The following GAS7 variants were observed in gnomAD, a reference collection of about 807,000 sequenced individuals.
GAS7 encodes the protein growth arrest-specific protein 7.
A neutral mutation model predicts 71.1 loss-of-function variants in GAS7; 28 were observed. The ratio of observed to expected loss-of-function variants is 0.39; its 90% confidence interval spans 0.29 to 0.54. The LOEUF is 0.54. Ranked by LOEUF, GAS7 falls within the 20% of genes least tolerant of loss-of-function variation. GAS7 has a pLI of 0.62. For synonymous variants in GAS7, 258 were observed against 245.8 expected, an observed-to-expected ratio of 1.05 and a Z score of -0.46; for missense variants, 436 against 627.8, an observed-to-expected ratio of 0.69 and a Z score of 3.27.
chr17:10,005,716 G>A (rs2071504164), intron 2 of GAS7, among the ~76,000 whole-genome samples: 1 of 152,138 alleles, frequency 6.6e-6, no homozygotes, highest in Non-Finnish European at 1.5e-5. Context: ...ACAGTCTCTA[G>A]TCTAATGACA....
chr17:10,009,290 C>T (rs1057049695), intron 2 of GAS7, among the ~76,000 whole-genome samples: 1 of 136,718 alleles, frequency 7.3e-6, no homozygotes, highest in Non-Finnish European at 1.5e-5. Context: ...CACTGCACTC[C>T]AGTCTGGGCG....
Position 10,034,497 on chromosome 17 carries a change from C to CG in GAS7, c.184-14601dup, listed in dbSNP as rs1190642778. ...CTAATTTTTGTATTTTTAGTAGACACGGGGTTTCACCACGTTGACCAGGCT... is the reference window on the plus strand; with the variant it reads ...CTAATTTTTGTATTTTTAGTAGACACGGGGGTTTCACCACGTTGACCAGGCT... On this transcript the variant is annotated intron_variant, in intron 1 of 13. Transcript: ENST00000432992. This position sits in a 1 kb window ranked among gnomAD's most constrained non-coding sequence, Gnocchi z 4.4. 6.6e-6 allele frequency among the ~76,000 whole-genome samples: 1 copy of CG among 151,944 alleles called. No homozygotes were observed. Among genetic ancestry groups the CG allele is most frequent in the Non-Finnish European group, 1.5e-5 (1 of 67,980 alleles).
chr17:10,026,133 G>A lies in GAS7; in HGVS notation c.184-6236C>T. 1 of 983,868 alleles carries A rather than the reference G, an allele frequency of 1.0e-6. No homozygotes were observed. The highest frequency in any genetic ancestry group is 1.2e-6 in the Non-Finnish European group (1 of 828,852). 60.9% of individuals were successfully genotyped at this position (983,868 alleles called of 1,614,324 possible). ...TCTCTCCCCCTCCGGAGGTTTCTGA[G>A]AACACCTGACTCTTACCTTATCCTA... On this transcript the variant is annotated intron_variant, in intron 1 of 13. Transcript: ENST00000432992. The surrounding 1 kb of genome is among the most constrained non-coding windows in gnomAD (Gnocchi z 4.5).
rs2067563217 is a variant in GAS7, at chr17:9,915,642, T to C, written c.*1586A>G. 1 of 228,998 alleles carries C rather than the reference T, an allele frequency of 4.4e-6. No individual in the cohort carries two copies. Among genetic ancestry groups the C allele is most frequent in the Non-Finnish European group, 8.7e-6 (1 of 115,396 alleles). 14.2% of individuals were successfully genotyped at this position (228,998 alleles called of 1,614,324 possible). On this transcript the variant is annotated 3_prime_UTR_variant, in exon 14 of 14. Coordinates refer to ENST00000432992, the MANE Select transcript of GAS7 (RefSeq NM_201433.2). Reference sequence around the variant, plus strand: ...GAGGCGCCAAAAAATTAGAGATTAATAAGTCATCGGTTTCTAGCACGTTGA... The same window carrying C: ...GAGGCGCCAAAAAATTAGAGATTAACAAGTCATCGGTTTCTAGCACGTTGA...
chr17:10,163,268 G>A (rs1321214944), intron 1 of GAS7, among the ~76,000 whole-genome samples: 3 of 151,940 alleles, frequency 2.0e-5, no homozygotes, highest in Non-Finnish European at 4.4e-5. Context: ...GCGCCAACAC[G>A]CCCGCTAATT....
At chr17:10,054,415 C>G (rs190517555) in intron 1 of GAS7, among the ~76,000 whole-genome samples, 132 of 152,242 alleles carry the variant, frequency 8.7e-4, no homozygotes, top group African/African-American at 3.1e-3. Context: ...GCTAGAGCAT[C>G]TCGTTTTTGC....
At chr17:9,996,392 A>G (rs1377567110) in intron 2 of GAS7, among the ~76,000 whole-genome samples, 3 of 134,762 alleles carry the variant, frequency 2.2e-5, no homozygotes, top group African/African-American at 5.5e-5. Flanking sequence ...GGACACAGGA[A>G]GGGGAACATC....
In GAS7 at chr17:10,026,340, A is replaced by G. The variant is rs2072462795; in HGVS notation, c.184-6443T>C. ...GGCCCCACACCCCCACTCCCCCCACACCCAGATCTATATATAACAGCTCTG... is the reference window on the plus strand; with the variant it reads ...GGCCCCACACCCCCACTCCCCCCACGCCCAGATCTATATATAACAGCTCTG... On this transcript the variant is annotated intron_variant, in intron 1 of 13. Transcript: ENST00000432992. The surrounding 1 kb of genome is among the most constrained non-coding windows in gnomAD (Gnocchi z 4.5). 2 of 956,510 alleles carry G rather than the reference A, an allele frequency of 2.1e-6. No individual in the cohort carries two copies. Among genetic ancestry groups the G allele is most frequent in the South Asian group, 9.7e-5 (2 of 20,706 alleles). The allele number at this position is 956,510 out of a possible 1,614,324, so 59.3% of individuals were successfully genotyped here. A position where few individuals can be genotyped will look rare whatever the true frequency, so the allele number is the denominator to read the frequency against.
intron 1 of GAS7, among the ~76,000 whole-genome samples, chr17:10,163,704 CATT>C (rs2074272736): frequency 6.6e-6 from 1 of 152,134 alleles, no homozygotes; most frequent in Non-Finnish European, 1.5e-5. Context: ...CCATCCTTGG[CATT>C]CCCATTCTCC....
chr17:10,040,176 C>T (rs1247333351), intron 1 of GAS7, among the ~76,000 whole-genome samples: 1 of 152,170 alleles, frequency 6.6e-6, no homozygotes, highest in African/African-American at 2.4e-5. Flanking sequence ...CAGAGGAAAA[C>T]AGAGGCTCCT....
intron 3 of GAS7, among the ~76,000 whole-genome samples, chr17:9,980,046 G>T (rs1040503952): frequency 1.3e-5 from 2 of 151,642 alleles, no homozygotes; most frequent in African/African-American, 2.4e-5. Context: ...CACACAGGGG[G>T]TTCCTTTCTT....
intron 1 of GAS7, among the ~76,000 whole-genome samples, chr17:10,136,814 T>C (rs1049355693): frequency 6.6e-6 from 1 of 152,160 alleles, no homozygotes; most frequent in African/African-American, 2.4e-5. Context: ...CTGACCCTCT[T>C]TGACCTCTTA....
At chr17:10,056,394 C>G (rs2073137015) in intron 1 of GAS7, among the ~76,000 whole-genome samples, 1 of 152,014 alleles carries the variant, frequency 6.6e-6, no homozygotes, top group African/African-American at 2.4e-5. Flanking sequence ...ACTCAGGAGG[C>G]CGAGGTGGGA....
chr17:10,054,162 C>CT (rs34465894), intron 1 of GAS7, among the ~76,000 whole-genome samples: 8,001 of 147,444 alleles, frequency 0.054, 639 homozygotes, highest in African/African-American at 0.18. Flanking sequence ...ACTCTTTTAA[C>CT]TTTTTTTTTT....
chr17:10,173,152 G>C (rs944243987), intron 1 of GAS7, among the ~76,000 whole-genome samples: 4 of 152,184 alleles, frequency 2.6e-5, no homozygotes, highest in Non-Finnish European at 4.4e-5. Context: ...GAAAACAGAT[G>C]AGTGGTCGCC....
chr17:10,138,271 C>A (rs1030292614), intron 1 of GAS7, among the ~76,000 whole-genome samples: 2 of 152,090 alleles, frequency 1.3e-5, no homozygotes. Context: ...GGCCAAAGTT[C>A]TTTTACAGAT....
intron 2 of GAS7, among the ~76,000 whole-genome samples, chr17:9,992,654 G>A (rs999302900): frequency 6.6e-6 from 1 of 151,144 alleles, no homozygotes. Context: ...TGCACAATGT[G>A]CAGGTTAGTT....
intron 1 of GAS7, among the ~76,000 whole-genome samples, chr17:10,147,246 T>C (rs17687643): frequency 0.061 from 9,230 of 152,296 alleles, 378 homozygotes; most frequent in Admixed American, 0.1. Context: ...CATATTCCAC[T>C]GTGTGCCTGG....
intron 2 of GAS7, among the ~76,000 whole-genome samples, chr17:9,990,737 A>C (rs1047081607): frequency 2.0e-5 from 3 of 152,148 alleles, no homozygotes; most frequent in African/African-American, 7.2e-5. Context: ...ATGAGTTCAG[A>C]GGTAATGGGG....
Sources: allele counts gnomAD v4.1 joint callset (sites outside exome capture counted in the v4.1 genomes callset), GRCh38; gene constraint gnomAD v4.1.1; non-coding constraint Gnocchi (gnomAD v3.1); transcripts MANE v1.5; gene names NCBI Gene and HGNC (gene_info 2026-07-23, HGNC 2026-07-21).